PFKFB3: variants seen among roughly 807,000 people sequenced by gnomAD.
PFKFB3 encodes the protein 6-phosphofructo-2-kinase/fructose-2,6-biphosphatase 3.
PFKFB3 carries 33 observed loss-of-function variants against 68.0 expected under a neutral mutation model. That is an observed-to-expected ratio of 0.49 (90% confidence interval 0.37 to 0.65). The LOEUF (loss-of-function observed/expected upper bound fraction) is 0.65, where lower values mean the gene tolerates loss of function less well. PFKFB3 is among the 30% of genes least tolerant of loss of function. The pLI, the probability that PFKFB3 is intolerant of heterozygous loss-of-function variation, is 0.00. For synonymous variants in PFKFB3, 315 were observed against 288.2 expected (o/e 1.09, Z -0.94); for missense variants, 586 against 712.2 (o/e 0.82, Z 2.02).
the PFKFB3 span, among the ~76,000 whole-genome samples, chr10:6,274,835 C>CAA: frequency 7.5e-4 from 106 of 142,092 alleles, no homozygotes; most frequent in Middle Eastern, 7.2e-3. Flanking sequence ...GACTCTGTCT[C>CAA]AAAAAAAAAA....
chr10:6,152,908 G>A (rs1230966205), intron 1 of PFKFB3, among the ~76,000 whole-genome samples: 3 of 151,632 alleles, frequency 2.0e-5, no homozygotes, highest in East Asian at 1.9e-4. Flanking sequence ...GGCTGGGCAC[G>A]GTGGCTCACG....
At chr10:6,238,726 C>T (rs866922925), downstream of PFKFB3, among the ~76,000 whole-genome samples, 3 of 152,092 alleles carry the variant, frequency 2.0e-5, no homozygotes, top group African/African-American at 2.4e-5. Context: ...TCCCACCCAC[C>T]ACCCTCTGAT....
the PFKFB3 span, among the ~76,000 whole-genome samples, chr10:6,319,628 A>G: frequency 3.2e-4 from 48 of 152,330 alleles, no homozygotes; most frequent in Non-Finnish European, 3.7e-4. Flanking sequence ...ACACGTAACA[A>G]AACTGTAAAA....
upstream of PFKFB3, among the ~76,000 whole-genome samples, chr10:6,200,038 ACAAAAC>A (rs879564335): frequency 1.9e-4 from 22 of 113,308 alleles, no homozygotes; most frequent in South Asian, 9.1e-4. Flanking sequence ...AAACAAACCA[ACAAAAC>A]CAACAAAAAC....
chr10:6,153,988 ACAGTACCATTAGCT>A (rs892864218), intron 1 of PFKFB3, among the ~76,000 whole-genome samples: 2 of 152,194 alleles, frequency 1.3e-5, no homozygotes, highest in African/African-American at 4.8e-5. Flanking sequence ...GAGGCAGCAG[ACAGTACCATTAGCT>A]CAGGAGCATG....
chr10:6,300,016 TA>T, the PFKFB3 span, among the ~76,000 whole-genome samples: 2 of 146,750 alleles, frequency 1.4e-5, no homozygotes, highest in African/African-American at 2.5e-5. Context: ...GGAGGAATGT[TA>T]AGCCTCACCA....
chr10:6,177,488 T>TTTCTTTCTTTCTTTC (rs1564600050), intron 1 of PFKFB3, among the ~76,000 whole-genome samples: 11 of 45,284 alleles, frequency 2.4e-4, no homozygotes, highest in African/African-American at 5.8e-4. Context: ...TTCTTTCTTT[T>TTTCTTTCTTTCTTTC]TCTTTTCTTT....
At chr10:6,261,929 G>A in the PFKFB3 span, among the ~76,000 whole-genome samples, 17 of 151,908 alleles carry the variant, frequency 1.1e-4, no homozygotes, top group African/African-American at 2.2e-4. Context: ...CTTGGGACAC[G>A]GAGGTTGCAG....
the PFKFB3 span, among the ~76,000 whole-genome samples, chr10:6,318,779 T>C: frequency 4.3e-4 from 66 of 152,258 alleles, no homozygotes; most frequent in African/African-American, 1.5e-3. Flanking sequence ...CAATCAGTCC[T>C]CGGGGTGGTG....
At chr10:6,235,809 C>G (rs1244151052), downstream of PFKFB3, among the ~76,000 whole-genome samples, 5 of 149,662 alleles carry the variant, frequency 3.3e-5, no homozygotes, top group East Asian at 3.9e-4. Flanking sequence ...CTCTGTCGCC[C>G]AGGCTGGAGT....
intron 1 of PFKFB3, among the ~76,000 whole-genome samples, chr10:6,156,065 T>G (rs1338246181): frequency 1.3e-5 from 2 of 152,124 alleles, no homozygotes; most frequent in African/African-American, 4.8e-5. Context: ...TTCCATCCTG[T>G]GTGTCTGTGT....
chr10:6,165,457 A>C (rs1474112749), intron 1 of PFKFB3, among the ~76,000 whole-genome samples: 1 of 152,160 alleles, frequency 6.6e-6, no homozygotes, highest in Non-Finnish European at 1.5e-5. Context: ...TTTTCCCCAC[A>C]ACTTCCTTAT....
At chr10:6,192,139 T>TAC (rs60638987) in intron 1 of PFKFB3, among the ~76,000 whole-genome samples, 34,386 of 118,768 alleles carry the variant, frequency 0.29, 5,005 homozygotes, top group East Asian at 0.38. Flanking sequence ...CATTCCCCAA[T>TAC]ACACACACAC....
intron 1 of PFKFB3, among the ~76,000 whole-genome samples, chr10:6,211,315 C>T (rs1844219585): frequency 6.6e-6 from 1 of 152,232 alleles, no homozygotes; most frequent in Admixed American, 6.5e-5. Context: ...CAATCAGCCT[C>T]TGCTTCCTTG....
chr10:6,281,166 C>CATATATTT, the PFKFB3 span, among the ~76,000 whole-genome samples: 1 of 84,510 alleles, frequency 1.2e-5, no homozygotes, highest in African/African-American at 3.6e-5. Flanking sequence ...AGTATTCCAT[C>CATATATTT]ATATATATAT....
Position 6,220,942 on chromosome 10 carries a change from G to GTGCTGCTGCTGC in PFKFB3, c.831+94_831+105dup, listed in dbSNP as rs3084010. 107 of 887,018 alleles carry GTGCTGCTGCTGC rather than the reference G, an allele frequency of 1.2e-4. 1 individual carries two copies. The highest frequency in any genetic ancestry group is 4.4e-4 in the Middle Eastern group (2 of 4,502). 54.9% of individuals were successfully genotyped at this position (887,018 alleles called of 1,614,324 possible). A position where few individuals can be genotyped will look rare whatever the true frequency, so the allele number is the denominator to read the frequency against. On this transcript the variant is annotated intron_variant, in intron 8 of 14. Coordinates refer to ENST00000379775, the MANE Select transcript of PFKFB3 (RefSeq NM_004566.4). This position sits in a 1 kb window ranked among gnomAD's most constrained non-coding sequence, Gnocchi z 4.1. The stretch of plus-strand genomic sequence containing the variant: ...GTCTATAGGGTGGGTGGGGAGCTGT[G>GTGCTGCTGCTGC]TGCTGCTGCTGCTGCTGCTGCTGCT...
chr10:6,309,967 G>A, the PFKFB3 span, among the ~76,000 whole-genome samples: 1 of 152,206 alleles, frequency 6.6e-6, no homozygotes, highest in Non-Finnish European at 1.5e-5. Flanking sequence ...TTGAATAGAT[G>A]TAAGCTAATA....
At chr10:6,257,926 C>T (rs1165322083), downstream of PFKFB3, among the ~76,000 whole-genome samples, 1 of 152,164 alleles carries the variant, frequency 6.6e-6, no homozygotes, top group Non-Finnish European at 1.5e-5. Context: ...CCCCTCCTAG[C>T]ACAATGGCTC....
At chr10:6,216,287 T>C in intron 4 of PFKFB3, 96 bp downstream of exon 4, 1 of 1,211,770 alleles carries the variant, frequency 8.3e-7, no homozygotes, top group Non-Finnish European at 1.2e-6. Flanking sequence ...CCTCTGGCCC[T>C]GAGGGTGGAG....
Sources: allele counts gnomAD v4.1 joint callset (sites outside exome capture counted in the v4.1 genomes callset), GRCh38; gene constraint gnomAD v4.1.1; non-coding constraint Gnocchi (gnomAD v3.1); transcripts MANE v1.5; gene names NCBI Gene and HGNC (gene_info 2026-07-23, HGNC 2026-07-21).